FAF1: variants seen among roughly 807,000 people sequenced by gnomAD.
The protein encoded by FAF1 is FAS-associated factor 1.
In FAF1, 25 loss-of-function variants were observed where a neutral mutation model predicts 92.5. The observed-to-expected ratio is 0.27, with a 90% confidence interval of 0.20 to 0.38. FAF1 has a LOEUF of 0.38. FAF1 is among the 10% of genes least tolerant of loss of function. The pLI, the probability that FAF1 is intolerant of heterozygous loss-of-function variation, is 1.00. For synonymous variants in FAF1, 234 were observed against 273.2 expected (o/e 0.86, Z 1.42); for missense variants, 636 against 793.3 (o/e 0.80, Z 2.38).
intron 9 of FAF1, among the ~76,000 whole-genome samples, chr1:50,589,211 G>C (rs1651386497): frequency 6.6e-6 from 1 of 152,160 alleles, no homozygotes; most frequent in Non-Finnish European, 1.5e-5. Context: ...GTGATGAGTG[G>C]TCACAGAGCT....
rs1386586082 is a variant in FAF1 at position 50,582,640 on chromosome 1, G to T, written c.1091C>A (p.Ala364Asp). The change falls in exon 12 of 19, where the codon GCC becomes GAC. Residue 364 changes from alanine to aspartate, a missense_variant. By Grantham distance (126) the Ala-to-Asp change is moderately radical. Around this residue, in one of 2 missense-constraint regions of FAF1, gnomAD observed 319 missense variants for 451.0 expected, o/e 0.71. Transcript: ENST00000396153. ...TACATCTCGGGCTTTCACATAGAAG[G>T]CCTCTTGAAAAGCAGCTTCTAATGA... ...IGSLEAAFQE[A>D]FYVKARDRKL... 6.2e-7 allele frequency: 1 copy of T among 1,611,972 alleles called. No homozygotes were observed. Among genetic ancestry groups the T allele is most frequent in the East Asian group, 2.2e-5 (1 of 44,852 alleles).
intron 8 of FAF1, among the ~76,000 whole-genome samples, chr1:50,605,331 T>C (rs965091617): frequency 7.2e-5 from 11 of 152,224 alleles, no homozygotes; most frequent in Non-Finnish European, 5.9e-5. Flanking sequence ...TGAAGTATTT[T>C]ACGTCATTAA....
chr1:50,933,080 C>T (rs766544078), intron 1 of FAF1, among the ~76,000 whole-genome samples: 20 of 152,138 alleles, frequency 1.3e-4, no homozygotes, highest in African/African-American at 2.4e-4. Context: ...CCTGGGCCTC[C>T]GTGCCTATGA....
intron 6 of FAF1, among the ~76,000 whole-genome samples, chr1:50,718,269 C>G (rs1658271410): frequency 6.6e-6 from 1 of 152,120 alleles, no homozygotes. Context: ...ACCTTGTGAT[C>G]CGCCTGCCTC....
At chr1:50,628,893 G>A (rs1286609069) in intron 8 of FAF1, among the ~76,000 whole-genome samples, 1 of 152,150 alleles carries the variant, frequency 6.6e-6, no homozygotes, top group Non-Finnish European at 1.5e-5. Flanking sequence ...ACATAGTGTG[G>A]TAAGGCCATT....
intron 1 of FAF1, among the ~76,000 whole-genome samples, chr1:50,917,622 GAAAAA>G (rs1644927815): frequency 3.0e-5 from 3 of 98,466 alleles, no homozygotes; most frequent in African/African-American, 1.1e-4. Context: ...AAAGGGAAAG[GAAAAA>G]GGAAAGGAAA....
chr1:50,760,979 A>G (rs1456402474), intron 4 of FAF1, among the ~76,000 whole-genome samples: 3 of 152,108 alleles, frequency 2.0e-5, no homozygotes, highest in South Asian at 2.1e-4. Flanking sequence ...GAATCAAATA[A>G]ATGCAATAAA....
At chr1:50,447,715 C>T (rs1001096078) in intron 18 of FAF1, among the ~76,000 whole-genome samples, 2 of 152,286 alleles carry the variant, frequency 1.3e-5, no homozygotes, top group African/African-American at 2.4e-5. Context: ...TTACCTCTTA[C>T]GCCAATGTCA....
chr1:50,730,924 C>T (rs974229585), intron 6 of FAF1, among the ~76,000 whole-genome samples: 2 of 152,234 alleles, frequency 1.3e-5, no homozygotes, highest in African/African-American at 4.8e-5. Context: ...CAACTCATGT[C>T]CTTCTTGCCT....
intron 15 of FAF1, among the ~76,000 whole-genome samples, chr1:50,522,513 T>C (rs561562583): frequency 6.6e-6 from 1 of 152,280 alleles, no homozygotes; most frequent in South Asian, 2.1e-4. Context: ...TTAAGATACT[T>C]CACCTGACTC....
chr1:50,530,805 C>T (rs1045829696), intron 15 of FAF1, among the ~76,000 whole-genome samples: 1 of 151,996 alleles, frequency 6.6e-6, no homozygotes, highest in African/African-American at 2.4e-5. Context: ...CCAACAAGAA[C>T]AACAACAACA....
chr1:50,805,234 C>T (rs1261968684), intron 2 of FAF1, among the ~76,000 whole-genome samples: 2 of 152,154 alleles, frequency 1.3e-5, no homozygotes, highest in Non-Finnish European at 2.9e-5. Flanking sequence ...CTTGCCTTGA[C>T]CTAGTTTATA....
chr1:50,885,609 C>T (rs12068606), intron 1 of FAF1, among the ~76,000 whole-genome samples: 18,309 of 151,940 alleles, frequency 0.12, 1,357 homozygotes, highest in African/African-American at 0.21. Flanking sequence ...AGGCAACAGA[C>T]CATTTGGGTC....
rs751833764 is a variant in FAF1 at position 50,744,810 on chromosome 1, A to G, written c.368-35T>C. The G allele has an allele frequency of 3.2e-6, 4 of 1,243,822 alleles. No individual in the cohort carries two copies. The Admixed American group carries it at 7.9e-5, about 25-fold the overall frequency. The allele number at this position is 1,243,822 out of a possible 1,614,324, so 77.0% of individuals were successfully genotyped here. ...TAAGAAGAGATCAAATATTACTAAC[A>G]AAATAACACAGTTAACATTTGTCCA... is the stretch of plus-strand genomic sequence containing the variant. On this transcript the variant is annotated intron_variant, in intron 4 of 18. Transcript: ENST00000396153.
At chr1:50,511,845 A>G (rs1288799611) in intron 15 of FAF1, among the ~76,000 whole-genome samples, 1 of 152,138 alleles carries the variant, frequency 6.6e-6, no homozygotes, top group Non-Finnish European at 1.5e-5. Flanking sequence ...GGTTGAACTA[A>G]TTTACACTCC....
At position 50,539,627 on chromosome 1, in the gene FAF1, T is replaced by C. The variant is rs1427969116; in HGVS notation, c.1370A>G (p.Lys457Arg). ...ATTCAACACTTCATTAGATGATCGC[T>C]TTCCCATAATAATCAGGAAAAGCGG... Reference protein sequence around the residue: ...QFPLFLIIMGKRSSNEVLNVI... With the variant: ...QFPLFLIIMGRRSSNEVLNVI... Residue 457 changes from lysine (K) to arginine (R), a missense_variant, in exon 14 of 19, where the codon AAG becomes AGG. By Grantham distance (26) the Lys-to-Arg change is conservative. This residue lies in a region of FAF1 where 319 missense variants were observed against 451.0 expected (regional missense o/e 0.71). Transcript: ENST00000396153. 6.2e-7 allele frequency: 1 copy of C among 1,612,980 alleles called. No homozygotes were observed. The highest frequency in any genetic ancestry group is 1.3e-5 in the African/African-American group (1 of 74,898).
At chr1:50,475,198 C>T (rs761547993) in intron 18 of FAF1, among the ~76,000 whole-genome samples, 4 of 152,138 alleles carry the variant, frequency 2.6e-5, no homozygotes, top group Non-Finnish European at 5.9e-5. Flanking sequence ...TCAGCAAAGA[C>T]TGGAATGCTG....
intron 2 of FAF1, among the ~76,000 whole-genome samples, chr1:50,847,965 A>G (rs1362742941): frequency 3.9e-5 from 6 of 152,094 alleles, no homozygotes; most frequent in Non-Finnish European, 8.8e-5. Context: ...CATCTTAAAA[A>G]AGGCTGTCAA....
At chr1:50,552,629 G>C (rs1487650410) in intron 13 of FAF1, among the ~76,000 whole-genome samples, 1 of 152,186 alleles carries the variant, frequency 6.6e-6, no homozygotes, top group Non-Finnish European at 1.5e-5. Context: ...GAAAAAGAAT[G>C]ATGGTGAAGC....
Sources: gnomAD v4.1 joint callset for allele counts (sites outside exome capture counted in the v4.1 genomes callset) on GRCh38, gnomAD v4.1.1 for gene constraint, gnomAD v4.1.1 regional missense constraint, MANE v1.5 for transcripts, NCBI Gene and HGNC (gene_info 2026-07-23, HGNC 2026-07-21) for gene names.